The following ZFYVE28 variants were observed in gnomAD, a reference collection of about 807,000 sequenced individuals.
The protein encoded by ZFYVE28 is zinc finger FYVE-type containing 28, also known as lateral signaling target protein 2 homolog.
ZFYVE28 carries 40 observed loss-of-function variants against 82.1 expected under a neutral mutation model. The ratio of observed to expected loss-of-function variants is 0.49; its 90% CI spans 0.38 to 0.63. ZFYVE28 has a LOEUF of 0.63. Ranked by LOEUF, ZFYVE28 falls within the 30% of genes least tolerant of loss-of-function variation. The probability of loss-of-function intolerance (pLI) is 0.00; values close to 1 mark genes in which losing one functional copy is unlikely to be tolerated. For missense variants in ZFYVE28, 1,321 were observed against 1,242.1 expected, an observed-to-expected ratio of 1.06 and a Z score of -0.96; for synonymous variants, 612 against 546.1, an observed-to-expected ratio of 1.12 and a Z score of -1.68.
intron 6 of ZFYVE28, among the ~76,000 whole-genome samples, chr4:2,321,645 A>T (rs1175802153): frequency 1.3e-5 from 2 of 152,144 alleles, no homozygotes; most frequent in Non-Finnish European, 2.9e-5. Flanking sequence ...TTATGGGTGA[A>T]TCAGGCAGTC....
intron 6 of ZFYVE28, chr4:2,330,482 T>G: frequency 1.9e-6 from 2 of 1,069,988 alleles, no homozygotes; most frequent in Non-Finnish European, 2.3e-6. Context: ...GGGGACAGCA[T>G]GGAGGAGGGG....
chr4:2,391,232 C>T (rs1172155604), intron 1 of ZFYVE28, among the ~76,000 whole-genome samples: 2 of 152,148 alleles, frequency 1.3e-5, no homozygotes, highest in African/African-American at 4.8e-5. Context: ...AATTCCGCAT[C>T]GTCCCCACGG....
Position 2,332,713 on chromosome 4 carries a change from G to A in ZFYVE28, c.701+2992C>T, listed in dbSNP as rs933175752. ...CGCTGTGGATGACGAGGAACAAGACGGGATCCGCTGGTGGTGCAGGGCTGC... is the reference window on the plus strand; with the variant it reads ...CGCTGTGGATGACGAGGAACAAGACAGGATCCGCTGGTGGTGCAGGGCTGC... On this transcript the variant is annotated intron_variant, in intron 6 of 12. Coordinates refer to ENST00000290974, the MANE Select transcript of ZFYVE28 (RefSeq NM_020972.3). The surrounding 1 kb of genome is among the most constrained non-coding windows in gnomAD (Gnocchi z 4.7). Among the ~76,000 whole-genome samples, 3 of 152,288 alleles carry A rather than the reference G, an allele frequency of 2.0e-5. No individual in the cohort carries two copies. Among genetic ancestry groups the A allele is most frequent in the East Asian group, 3.9e-4 (2 of 5,184 alleles).
intron 1 of ZFYVE28, among the ~76,000 whole-genome samples, chr4:2,379,999 G>T (rs1181958969): frequency 6.6e-6 from 1 of 152,114 alleles, no homozygotes; most frequent in African/African-American, 2.4e-5. Context: ...TGTTGCCCAG[G>T]CTGGTCAAAT....
At position 2,354,071 on chromosome 4, in the gene ZFYVE28, C is replaced by T. The variant is rs1403329848; in HGVS notation, c.42G>A (p.Arg14=). 7 of 1,556,794 alleles carry T rather than the reference C, an allele frequency of 4.5e-6. No homozygotes were observed. Among genetic ancestry groups the T allele is most frequent in the Non-Finnish European group, 6.1e-6 (7 of 1,150,970 alleles). The part of the protein sequence containing the change: ...RFRKWLYKPK[R]SDPQLLARFY... ...ACCGGGCAAGCAGCTGCGGATCCGA[C>T]CTCTGCAGGAGAGAGGGGCCAGGGC... is the stretch of plus-strand genomic sequence containing the variant. The change falls in exon 2 of 13, where the codon AGG becomes AGA. Residue 14 remains arginine (R), a splice_region_variant and synonymous_variant. Coordinates refer to ENST00000290974, the MANE Select transcript of ZFYVE28 (RefSeq NM_020972.3).
intron 8 of ZFYVE28, among the ~76,000 whole-genome samples, chr4:2,295,367 T>G (rs1227067540): frequency 6.6e-6 from 1 of 151,784 alleles, no homozygotes; most frequent in Admixed American, 6.6e-5. Flanking sequence ...GACGGGGTTT[T>G]ACCATGTTGG....
At chr4:2,395,468 C>T (rs1730341466) in intron 1 of ZFYVE28, among the ~76,000 whole-genome samples, 1 of 152,230 alleles carries the variant, frequency 6.6e-6, no homozygotes, top group African/African-American at 2.4e-5. Flanking sequence ...CACACACAGG[C>T]ACCAGGTCCA....
chr4:2,318,744 C>T (rs929599618), intron 7 of ZFYVE28, among the ~76,000 whole-genome samples: 2 of 152,160 alleles, frequency 1.3e-5, no homozygotes, highest in Non-Finnish European at 2.9e-5. Flanking sequence ...GCACGTTCCA[C>T]CCACACAGCT....
rs760855894 is a variant in ZFYVE28 at position 2,304,562 on chromosome 4, G to A, written c.1778C>T (p.Ala593Val). ...CTTGGCTAAGCCGGCAGCGTACGAGGCACCAATGACGCCTCCCGGGCTGCA... is the reference window on the plus strand; with the variant it reads ...CTTGGCTAAGCCGGCAGCGTACGAGACACCAATGACGCCTCCCGGGCTGCA... ...EKCSPGGVIGASYAAGLAKAS... is the reference protein window; with the variant it reads ...EKCSPGGVIGVSYAAGLAKAS... The change falls in exon 8 of 13, where the codon GCC becomes GTC. Residue 593 changes from alanine to valine, a missense_variant. By Grantham distance (64) the Ala-to-Val change is moderately conservative. Transcript: ENST00000290974. 2.5e-6 allele frequency: 4 copies of A among 1,612,748 alleles called. No homozygotes were observed. In the South Asian group the frequency reaches 4.4e-5, roughly 18 times the overall value.
At chr4:2,298,713 G>C (rs565754451) in intron 8 of ZFYVE28, among the ~76,000 whole-genome samples, 7 of 152,348 alleles carry the variant, frequency 4.6e-5, no homozygotes, top group African/African-American at 1.7e-4. Flanking sequence ...CTGCACGACG[G>C]AGCAGGCCTG....
At chr4:2,352,470 C>A (rs552620876) in intron 2 of ZFYVE28, among the ~76,000 whole-genome samples, 2 of 151,726 alleles carry the variant, frequency 1.3e-5, no homozygotes, top group African/African-American at 2.4e-5. Flanking sequence ...CAGTGGGATA[C>A]GAGATGAGCC....
intron 8 of ZFYVE28, among the ~76,000 whole-genome samples, chr4:2,279,506 GCA>G (rs1166789329): frequency 6.6e-5 from 10 of 152,084 alleles, no homozygotes; most frequent in African/African-American, 2.4e-4. Context: ...CTGGCCGGGT[GCA>G]GTGGCTCACA....
At chr4:2,278,157 C>T (rs983209402) in intron 8 of ZFYVE28, among the ~76,000 whole-genome samples, 2 of 151,546 alleles carry the variant, frequency 1.3e-5, no homozygotes, top group East Asian at 3.9e-4. Flanking sequence ...ATACCACATA[C>T]AAAAATTCAC....
At chr4:2,316,716 G>A (rs4974675) in intron 7 of ZFYVE28, among the ~76,000 whole-genome samples, 34,975 of 148,370 alleles carry the variant, frequency 0.24, 4,635 homozygotes, top group African/African-American at 0.36. Flanking sequence ...TTTTTGAGAT[G>A]GAGTCTCGCT....
At chr4:2,354,683 T>C (rs1253895884) in intron 1 of ZFYVE28, among the ~76,000 whole-genome samples, 1 of 152,162 alleles carries the variant, frequency 6.6e-6, no homozygotes, top group Middle Eastern at 3.4e-3. Context: ...AGTCTCGAAC[T>C]CCTGACCTCA....
In ZFYVE28 at chr4:2,417,197, T is replaced by C. The variant is rs1210391586; in HGVS notation, c.39+1088A>G. Among the ~76,000 whole-genome samples the C allele has an allele frequency of 6.6e-6, 1 of 152,044 alleles. No individual in the cohort carries two copies. The highest frequency in any genetic ancestry group is 1.5e-5 in the Non-Finnish European group (1 of 67,942). On this transcript the variant is annotated intron_variant, in intron 1 of 12. Coordinates refer to ENST00000290974, the MANE Select transcript of ZFYVE28 (RefSeq NM_020972.3). This position sits in a 1 kb window ranked among gnomAD's most constrained non-coding sequence, Gnocchi z 4.8. Reference sequence around the variant, plus strand: ...CCACTCCCGCCCTTGGTCGCCGCGGTGACCCCACCCGAGCCGTGACCTCCC... The same window carrying C: ...CCACTCCCGCCCTTGGTCGCCGCGGCGACCCCACCCGAGCCGTGACCTCCC...
intron 1 of ZFYVE28, among the ~76,000 whole-genome samples, chr4:2,397,024 G>T (rs1183433444): frequency 6.6e-6 from 1 of 152,332 alleles, no homozygotes; most frequent in South Asian, 2.1e-4. Flanking sequence ...CCGGCTCAGG[G>T]GCGACTGCCA....
rs556954302 is a variant in ZFYVE28 at position 2,402,391 on chromosome 4, G to A, written c.39+15894C>T. ...CCCGCTGCAGGAGCAGAAGGTGCTG[G>A]AAGGCCATGTCCTGCAGCCTCTGCT... On this transcript the variant is annotated intron_variant, in intron 1 of 12. Transcript: ENST00000290974. 7.2e-5 allele frequency among the ~76,000 whole-genome samples: 11 copies of A among 152,338 alleles called. No homozygotes were observed. In the South Asian group the frequency reaches 2.1e-3, roughly 29 times the overall value.
rs887558812 is a variant in ZFYVE28 at position 2,320,614 on chromosome 4, A to G, written c.702-343T>C. On this transcript the variant is annotated intron_variant, in intron 6 of 12. Transcript: ENST00000290974. This position sits in a 1 kb window ranked among gnomAD's most constrained non-coding sequence, Gnocchi z 5.1. ...TTGTTACCAAAATCTACCTTCTTGC[A>G]AGTAATAAAAACTGGATTTGTGGTT... 8.5e-5 allele frequency among the ~76,000 whole-genome samples: 13 copies of G among 152,246 alleles called. No individual in the cohort carries two copies. Among genetic ancestry groups the G allele is most frequent in the Non-Finnish European group, 1.9e-4 (13 of 68,046 alleles).
Sources: allele counts gnomAD v4.1 joint callset (sites outside exome capture counted in the v4.1 genomes callset), GRCh38; gene constraint gnomAD v4.1.1; non-coding constraint Gnocchi (gnomAD v3.1); transcripts MANE v1.5; gene names NCBI Gene and HGNC (gene_info 2026-07-23, HGNC 2026-07-21).